GSK3B: variants seen among roughly 807,000 people sequenced by gnomAD.
GSK3B encodes the protein glycogen synthase kinase-3 beta.
Under a neutral mutation model 56.4 loss-of-function variants are expected in GSK3B, and 15 were observed. The observed-to-expected ratio is 0.27, with a 90% confidence interval of 0.18 to 0.41. The LOEUF is 0.41. Ranked by LOEUF, GSK3B falls within the 10% of genes least tolerant of loss-of-function variation. GSK3B has a pLI of 1.00. For synonymous variants in GSK3B, 181 were observed against 188.9 expected (o/e 0.96, Z 0.34); for missense variants, 300 against 513.4 (o/e 0.58, Z 4.02).
intron 4 of GSK3B, among the ~76,000 whole-genome samples, chr3:119,920,225 T>A (rs893194881): frequency 6.6e-6 from 1 of 152,116 alleles, no homozygotes; most frequent in African/African-American, 2.4e-5. Context: ...TAATGGAACA[T>A]CATCACACAG....
chr3:119,912,573 C>G lies in GSK3B; in HGVS notation c.715+131G>C, dbSNP rs1187626304. The G allele has an allele frequency of 2.2e-5, 10 of 447,524 alleles. No individual in the cohort carries two copies. The East Asian group carries it at 3.2e-4, about 14-fold the overall frequency. The allele number at this position is 447,524 out of a possible 1,614,324, so 27.7% of individuals were successfully genotyped here. A position where few individuals can be genotyped will look rare whatever the true frequency, so the allele number is the denominator to read the frequency against. ...TGCCTATACATGTTTGCATCTCAAGCTTTAAGAAAAAAAACATTATGGGAT... is the reference window on the plus strand; with the variant it reads ...TGCCTATACATGTTTGCATCTCAAGGTTTAAGAAAAAAAACATTATGGGAT... On this transcript the variant is annotated intron_variant, in intron 6 of 10. Coordinates refer to ENST00000264235, the MANE Select transcript of GSK3B (RefSeq NM_001146156.2).
At chr3:120,002,425 G>A (rs895986214) in intron 1 of GSK3B, among the ~76,000 whole-genome samples, 186 bp from the exon 2 acceptor site, 2 of 151,420 alleles carry the variant, frequency 1.3e-5, no homozygotes, top group Non-Finnish European at 1.5e-5. Flanking sequence ...TGCAACCTCC[G>A]TCTGCCGGGT....
intron 9 of GSK3B, among the ~76,000 whole-genome samples, chr3:119,845,597 T>C (rs1254613325): frequency 6.6e-6 from 1 of 152,108 alleles, no homozygotes; most frequent in Non-Finnish European, 1.5e-5. Context: ...GGAATACAAG[T>C]TACAAGGGAT....
At chr3:120,074,369 T>G (rs1488310034) in intron 1 of GSK3B, among the ~76,000 whole-genome samples, 2 of 139,948 alleles carry the variant, frequency 1.4e-5, no homozygotes, top group African/African-American at 5.7e-5. Context: ...TTTTTTTTTT[T>G]GAGACAGAGT....
At chr3:119,948,609 G>C (rs550744292) in intron 2 of GSK3B, among the ~76,000 whole-genome samples, 6 of 152,156 alleles carry the variant, frequency 3.9e-5, no homozygotes, top group Non-Finnish European at 8.8e-5. Context: ...CTAGTACAGA[G>C]AGAGGAACAT....
rs1032061715 is a variant in GSK3B, at chr3:119,832,470, G to T, written c.1196-5615C>A. On this transcript the variant is annotated intron_variant, in intron 10 of 10. Transcript: ENST00000264235. ...TTTTAAATAGCTAAATGTTGGGGGGGTAAACTAATATGCAGAAATAGATAA... is the reference window on the plus strand; with the variant it reads ...TTTTAAATAGCTAAATGTTGGGGGGTTAAACTAATATGCAGAAATAGATAA... Among the ~76,000 whole-genome samples, 38 of 152,198 alleles carry T rather than the reference G, an allele frequency of 2.5e-4. 2 individuals are homozygous for T.
In GSK3B at chr3:120,059,705, C is replaced by T. The variant is rs141886633; in HGVS notation, c.88+33642G>A. 2.0e-3 allele frequency among the ~76,000 whole-genome samples: 298 copies of T among 152,280 alleles called. 1 individual carries two copies. Among genetic ancestry groups the T allele is most frequent in the African/African-American group, 6.7e-3 (279 of 41,540 alleles). ...GAATCTCACAGCAAGCTAGGTTTCC[C>T]CCAACCCCACTCACTTTATTAGCTT... On this transcript the variant is annotated intron_variant, in intron 1 of 10. Coordinates refer to ENST00000264235, the MANE Select transcript of GSK3B (RefSeq NM_001146156.2).
At chr3:120,065,957 T>C (rs1222060856) in intron 1 of GSK3B, among the ~76,000 whole-genome samples, 2 of 152,024 alleles carry the variant, frequency 1.3e-5, no homozygotes, top group African/African-American at 2.4e-5. Flanking sequence ...AAGGGGGAAA[T>C]GGGGAGTGAC....
intron 2 of GSK3B, among the ~76,000 whole-genome samples, chr3:119,970,702 G>T (rs1173921648): frequency 2.6e-5 from 4 of 151,522 alleles, no homozygotes; most frequent in Non-Finnish European, 5.9e-5. Context: ...CAGGAGAATC[G>T]CTTGAATCTG....
At chr3:119,972,861 AC>A (rs1485705562) in intron 2 of GSK3B, among the ~76,000 whole-genome samples, 6 of 152,214 alleles carry the variant, frequency 3.9e-5, no homozygotes, top group Non-Finnish European at 7.3e-5. Context: ...TTATTAAAAA[AC>A]AATAACAAAA....
Position 119,976,034 on chromosome 3 carries a change from G to A in GSK3B, c.282+26012C>T, listed in dbSNP as rs369543149. ...CAATGAGATACCACTTCACACCCAC[G>A]AGGATGGGTATAATAAAAAACTAGA... On this transcript the variant is annotated intron_variant, in intron 2 of 10. Coordinates refer to ENST00000264235, the MANE Select transcript of GSK3B (RefSeq NM_001146156.2). Among the ~76,000 whole-genome samples, 5 of 152,126 alleles carry A rather than the reference G, an allele frequency of 3.3e-5. No homozygotes were observed. In the East Asian group the frequency reaches 5.8e-4, roughly 18 times the overall value.
intron 2 of GSK3B, among the ~76,000 whole-genome samples, chr3:119,965,640 G>A (rs546139114): frequency 1.1e-4 from 17 of 152,060 alleles, no homozygotes; most frequent in African/African-American, 2.4e-4. Context: ...CAAATTCATC[G>A]AAAACACTTT....
At chr3:120,067,994 C>T (rs572596455) in intron 1 of GSK3B, among the ~76,000 whole-genome samples, 8 of 152,236 alleles carry the variant, frequency 5.3e-5, no homozygotes, top group Admixed American at 3.9e-4. Context: ...TTTTAAAAGG[C>T]GGAATCATGG....
chr3:120,019,376 C>CTA (rs1332577848), intron 1 of GSK3B, among the ~76,000 whole-genome samples: 1 of 152,164 alleles, frequency 6.6e-6, no homozygotes, highest in Non-Finnish European at 1.5e-5. Context: ...ATAAGGATTG[C>CTA]TAACCCAAAA....
intron 1 of GSK3B, among the ~76,000 whole-genome samples, chr3:120,065,312 A>G (rs1423116777): frequency 2.6e-5 from 4 of 152,144 alleles, no homozygotes; most frequent in Non-Finnish European, 5.9e-5. Context: ...TTACATAAAC[A>G]TTTCTCCAAA....
intron 1 of GSK3B, among the ~76,000 whole-genome samples, chr3:120,050,677 G>C (rs902203263): frequency 2.0e-5 from 3 of 152,142 alleles, no homozygotes; most frequent in African/African-American, 7.2e-5. Context: ...TCTGTTTAGG[G>C]GAGGAGAGAA....
chr3:119,984,530 GA>G (rs1332557963), intron 2 of GSK3B, among the ~76,000 whole-genome samples: 1 of 151,972 alleles, frequency 6.6e-6, no homozygotes, highest in Non-Finnish European at 1.5e-5. Context: ...TGATAAAGGG[GA>G]TATCACCACC....
intron 2 of GSK3B, among the ~76,000 whole-genome samples, chr3:119,973,057 C>T (rs940721810): frequency 3.9e-5 from 6 of 152,150 alleles, no homozygotes; most frequent in African/African-American, 7.2e-5. Flanking sequence ...ATCGTAAAAG[C>T]TGCCACTAAG....
rs1046223722 is a variant in GSK3B at position 120,036,685 on chromosome 3, C to G, written c.89-34446G>C. 3.4e-5 allele frequency among the ~76,000 whole-genome samples: 5 copies of G among 148,718 alleles called. No homozygotes were observed. In the Admixed American group the frequency reaches 3.4e-4, roughly 10 times the overall value. ...GCGGGCACCTGAAATCCCAGCTCAT[C>G]AGGAGGCTGAGGCAAGAGAATTGCT... On this transcript the variant is annotated intron_variant, in intron 1 of 10. Coordinates refer to ENST00000264235, the MANE Select transcript of GSK3B (RefSeq NM_001146156.2).
Sources: gnomAD v4.1 joint callset for allele counts (sites outside exome capture counted in the v4.1 genomes callset) on GRCh38, gnomAD v4.1.1 for gene constraint, MANE v1.5 for transcripts, NCBI Gene and HGNC (gene_info 2026-07-23, HGNC 2026-07-21) for gene names.